DCLK1: variants seen among roughly 807,000 people sequenced by gnomAD.
DCLK1 encodes the protein serine/threonine-protein kinase DCLK1.
Under a neutral mutation model 86.2 loss-of-function variants are expected in DCLK1, and 16 were observed. That is an observed-to-expected ratio of 0.19 (90% CI 0.13 to 0.28). DCLK1 has a LOEUF of 0.28. Ranked by LOEUF, DCLK1 falls within the 10% of genes least tolerant of loss-of-function variation. DCLK1 has a pLI of 1.00. For missense variants in DCLK1, 590 were observed against 940.2 expected (o/e 0.63, Z 4.87); for synonymous variants, 369 against 370.5 (o/e 1.00, Z 0.05).
intron 3 of DCLK1, among the ~76,000 whole-genome samples, chr13:36,055,657 T>C (rs1240497107): frequency 1.3e-5 from 2 of 152,236 alleles, no homozygotes; most frequent in Non-Finnish European, 2.9e-5. Flanking sequence ...CACACTGTCA[T>C]AAATCCATGT....
At chr13:35,986,658 G>A (rs185788133) in intron 3 of DCLK1, among the ~76,000 whole-genome samples, 186 of 152,152 alleles carry the variant, frequency 1.2e-3, no homozygotes, top group African/African-American at 3.6e-3. Flanking sequence ...TTCTTTTGTC[G>A]CTCACTCGCA....
chr13:36,030,217 A>G (rs1307845974), intron 3 of DCLK1, among the ~76,000 whole-genome samples: 1 of 152,176 alleles, frequency 6.6e-6, no homozygotes, highest in Non-Finnish European at 1.5e-5. Context: ...TCTGAACCCC[A>G]CTGTCACTCT....
At chr13:35,971,552 C>A (rs1471287626) in intron 3 of DCLK1, among the ~76,000 whole-genome samples, 1 of 152,072 alleles carries the variant, frequency 6.6e-6, no homozygotes, top group Non-Finnish European at 1.5e-5. Context: ...CACCTGAGGT[C>A]GGGAGTTCGA....
chr13:35,929,477 G>A (rs1240165753), intron 4 of DCLK1, among the ~76,000 whole-genome samples: 1 of 152,198 alleles, frequency 6.6e-6, no homozygotes, highest in Non-Finnish European at 1.5e-5. Flanking sequence ...CATATTGTTA[G>A]GCTGTCCTTT....
intron 3 of DCLK1, among the ~76,000 whole-genome samples, chr13:36,050,195 T>C (rs1883074528): frequency 6.6e-6 from 1 of 152,224 alleles, no homozygotes. Context: ...CATTAGAATC[T>C]TTGGGCCTAT....
At chr13:35,859,469 G>C (rs1034791252) in intron 5 of DCLK1, among the ~76,000 whole-genome samples, 1 of 152,170 alleles carries the variant, frequency 6.6e-6, no homozygotes, top group Non-Finnish European at 1.5e-5. Context: ...CCAAAGAGCT[G>C]TGGAAGAAAT....
chr13:35,831,293 T>C (rs997272183), intron 8 of DCLK1, among the ~76,000 whole-genome samples: 1 of 152,134 alleles, frequency 6.6e-6, no homozygotes, highest in African/African-American at 2.4e-5. Context: ...AAATCCATAA[T>C]AAAAGCCACA....
chr13:35,910,570 C>G (rs933410826), intron 4 of DCLK1, among the ~76,000 whole-genome samples: 11 of 152,164 alleles, frequency 7.2e-5, no homozygotes, highest in Non-Finnish European at 1.6e-4. Flanking sequence ...ACATAGAGTT[C>G]CTTAAAACCG....
At chr13:35,795,824 G>A (rs912859271) in intron 15 of DCLK1, among the ~76,000 whole-genome samples, 1 of 151,456 alleles carries the variant, frequency 6.6e-6, no homozygotes, top group Non-Finnish European at 1.5e-5. Context: ...TACTCAGGAG[G>A]CTGAGACGGG....
At chr13:36,099,838 T>C (rs1229939505) in intron 3 of DCLK1, among the ~76,000 whole-genome samples, 1 of 152,136 alleles carries the variant, frequency 6.6e-6, no homozygotes, top group East Asian at 1.9e-4. Flanking sequence ...CTCTGTACAA[T>C]ACAATAATAC....
chr13:35,938,486 A>C (rs765006914), intron 4 of DCLK1, among the ~76,000 whole-genome samples: 2 of 151,998 alleles, frequency 1.3e-5, no homozygotes, highest in Non-Finnish European at 2.9e-5. Context: ...AAAATTAACC[A>C]GGCATGATGG....
At chr13:35,889,913 G>C (rs922717542) in intron 4 of DCLK1, among the ~76,000 whole-genome samples, 17 of 152,136 alleles carry the variant, frequency 1.1e-4, no homozygotes, top group African/African-American at 3.9e-4. Context: ...GATGTGGAAT[G>C]TTTATGAGTG....
intron 4 of DCLK1, among the ~76,000 whole-genome samples, chr13:35,918,909 T>TTTTTTTTTTTTTTTTG (rs58593783): frequency 6.8e-6 from 1 of 146,112 alleles, no homozygotes; most frequent in African/African-American, 2.5e-5. Flanking sequence ...TTTTTTTTTT[T>TTTTTTTTTTTTTTTTG]GGAAACGGAG....
chr13:35,846,803 T>C, intron 6 of DCLK1: 3 of 985,214 alleles, frequency 3.0e-6, no homozygotes, highest in Non-Finnish European at 3.6e-6. Flanking sequence ...GTAAATTCAT[T>C]CGATTAACAT....
intron 10 of DCLK1, among the ~76,000 whole-genome samples, chr13:35,827,241 T>C (rs1207536928): frequency 6.6e-6 from 1 of 152,232 alleles, no homozygotes; most frequent in African/African-American, 2.4e-5. Context: ...AGATGGCTGG[T>C]ACCTTTGGAT....
At chr13:35,977,598 T>C (rs1879413324) in intron 3 of DCLK1, among the ~76,000 whole-genome samples, 1 of 152,220 alleles carries the variant, frequency 6.6e-6, no homozygotes, top group African/African-American at 2.4e-5. Context: ...GGCTATTTTT[T>C]TTTTAATTCC....
chr13:36,054,125 A>C (rs528279818), intron 3 of DCLK1, among the ~76,000 whole-genome samples: 5 of 152,274 alleles, frequency 3.3e-5, no homozygotes, highest in African/African-American at 9.6e-5. Context: ...TTCAGGGTAA[A>C]GGGCATATTT....
chr13:35,893,783 T>C (rs912625858), intron 4 of DCLK1, among the ~76,000 whole-genome samples: 8 of 152,206 alleles, frequency 5.3e-5, no homozygotes, highest in African/African-American at 1.7e-4. Context: ...ACATTATTTT[T>C]TTCCTGTATT....
intron 3 of DCLK1, among the ~76,000 whole-genome samples, chr13:36,033,527 A>G (rs903660072): frequency 3.3e-5 from 5 of 152,122 alleles, no homozygotes; most frequent in African/African-American, 1.2e-4. Context: ...TCCCCACTCA[A>G]TATTTTCTGA....
Sources: allele counts gnomAD v4.1 joint callset (sites outside exome capture counted in the v4.1 genomes callset), GRCh38; gene constraint gnomAD v4.1.1; transcripts MANE v1.5; gene names NCBI Gene and HGNC (gene_info 2026-07-23, HGNC 2026-07-21).